The following HDAC9 variants were observed in gnomAD, a reference collection of about 807,000 sequenced individuals.
HDAC9 encodes the protein histone deacetylase 9, also known as MEF-2 interacting transcription repressor (MITR) protein.
In HDAC9, 41 loss-of-function variants were observed where a neutral mutation model predicts 139.4. The ratio of observed to expected loss-of-function variants is 0.29; its 90% CI spans 0.23 to 0.38. The LOEUF is 0.38. HDAC9 is among the 10% of genes least tolerant of loss of function. HDAC9 has a pLI of 1.00. For missense variants in HDAC9, 1,147 were observed against 1,297.0 expected, an observed-to-expected ratio of 0.88 and a Z score of 1.78; for synonymous variants, 517 against 476.2, an observed-to-expected ratio of 1.09 and a Z score of -1.12.
upstream of HDAC9, among the ~76,000 whole-genome samples, chr7:18,493,732 A>C (rs1323522152): frequency 6.6e-6 from 1 of 151,924 alleles, no homozygotes; most frequent in Non-Finnish European, 1.5e-5. Context: ...GATTTGTCAA[A>C]TATACCGCAA....
At chr7:18,418,320 A>G (rs1789284255) in intron 1 of HDAC9, among the ~76,000 whole-genome samples, 1 of 152,104 alleles carries the variant, frequency 6.6e-6, no homozygotes, top group African/African-American at 2.4e-5. Context: ...ACTCAAGAGA[A>G]TAAATCCTAG....
At chr7:18,598,350 A>G (rs1292457370) in intron 6 of HDAC9, among the ~76,000 whole-genome samples, 1 of 152,198 alleles carries the variant, frequency 6.6e-6, no homozygotes, top group Non-Finnish European at 1.5e-5. Flanking sequence ...TAAACTTGTC[A>G]AAGTTTATTT....
intron 1 of HDAC9, among the ~76,000 whole-genome samples, chr7:18,333,386 TG>T (rs2128650329): frequency 6.6e-6 from 1 of 151,638 alleles, no homozygotes; most frequent in East Asian, 1.9e-4. Flanking sequence ...TAGGGATTTT[TG>T]TTAAGTAGAT....
At chr7:18,572,302 G>T (rs1824554357) in intron 2 of HDAC9, among the ~76,000 whole-genome samples, 1 of 145,294 alleles carries the variant, frequency 6.9e-6, no homozygotes, top group Non-Finnish European at 1.5e-5. Flanking sequence ...TGACTATTTT[G>T]TCATATTCAT....
chr7:18,309,045 A>G (rs1799119521), intron 1 of HDAC9, among the ~76,000 whole-genome samples: 1 of 152,174 alleles, frequency 6.6e-6, no homozygotes, highest in Non-Finnish European at 1.5e-5. Context: ...GTGTTTGTGG[A>G]GATCTCTAAG....
intron 1 of HDAC9, among the ~76,000 whole-genome samples, chr7:18,437,028 T>C (rs1382081281): frequency 6.6e-6 from 1 of 152,224 alleles, no homozygotes; most frequent in African/African-American, 2.4e-5. Context: ...TTTTATATAC[T>C]AATTAAAACT....
At chr7:18,448,679 T>C (rs1792521049) in intron 1 of HDAC9, among the ~76,000 whole-genome samples, 1 of 152,090 alleles carries the variant, frequency 6.6e-6, no homozygotes, top group Non-Finnish European at 1.5e-5. Context: ...TGAAAACAAT[T>C]TGGAAGAGAC....
intron 3 of HDAC9, among the ~76,000 whole-genome samples, chr7:18,587,341 T>C (rs1043655613): frequency 6.6e-6 from 1 of 152,100 alleles, no homozygotes; most frequent in Non-Finnish European, 1.5e-5. Flanking sequence ...AAAAGGAAAA[T>C]TTAGCTTTTA....
chr7:18,839,414 CT>C (rs1318446263), intron 21 of HDAC9, among the ~76,000 whole-genome samples: 1 of 152,056 alleles, frequency 6.6e-6, no homozygotes, highest in African/African-American at 2.4e-5. Flanking sequence ...AGCACAGTGA[CT>C]TTTTACCAAA....
intron 16 of HDAC9, among the ~76,000 whole-genome samples, chr7:18,779,795 G>T (rs1013819032): frequency 6.6e-5 from 10 of 151,958 alleles, no homozygotes; most frequent in African/African-American, 9.7e-5. Flanking sequence ...AGGGTAAACA[G>T]ACTCCCTGAT....
At chr7:18,463,361 G>GGT (rs1407248686) in intron 1 of HDAC9, among the ~76,000 whole-genome samples, 1 of 151,990 alleles carries the variant, frequency 6.6e-6, no homozygotes, top group Non-Finnish European at 1.5e-5. Flanking sequence ...TGTGCCTGCA[G>GGT]GTGTGTGTGT....
chr7:18,294,417 G>A (rs185869166), intron 1 of HDAC9, among the ~76,000 whole-genome samples: 59 of 151,986 alleles, frequency 3.9e-4, no homozygotes, highest in Non-Finnish European at 1.5e-4. Context: ...TTTATATAGC[G>A]TATCCTATAG....
chr7:18,484,171 C>T (rs574080689), intron 1 of HDAC9, among the ~76,000 whole-genome samples: 84 of 132,192 alleles, frequency 6.4e-4, no homozygotes, highest in African/African-American at 2.4e-3. Context: ...GACCTTATCT[C>T]TCAAAAAAAA....
Position 18,393,136 on chromosome 7 carries a change from T to TA in HDAC9, c.-42+102621_-42+102622insA, listed in dbSNP as rs201164465. Among the ~76,000 whole-genome samples, 920 of 149,798 alleles carry TA rather than the reference T, an allele frequency of 6.1e-3. 9 individuals are homozygous for TA. The highest frequency in any genetic ancestry group is 0.021 in the African/African-American group (826 of 40,106). ...TTTAGATAAAATGGATTTTTTTTTT[T>TA]TAAAAAAACATAAATTGGCTCAAGA... On this transcript the variant is annotated intron_variant, in intron 1 of 3. Transcript: ENST00000413509.
At chr7:18,388,281 C>A (rs553832993) in intron 1 of HDAC9, among the ~76,000 whole-genome samples, 2 of 152,290 alleles carry the variant, frequency 1.3e-5, no homozygotes, top group Admixed American at 1.3e-4. Context: ...CTGAGAGGTT[C>A]TCCCTTGACA....
At chr7:18,145,341 A>G (rs1250299638) in intron 1 of HDAC9, among the ~76,000 whole-genome samples, 1 of 152,224 alleles carries the variant, frequency 6.6e-6, no homozygotes, top group Non-Finnish European at 1.5e-5. Flanking sequence ...TGATAAATAC[A>G]GGGTGATGTA....
intron 17 of HDAC9, among the ~76,000 whole-genome samples, chr7:18,808,730 A>G (rs151184504): frequency 6.6e-6 from 1 of 152,204 alleles, no homozygotes; most frequent in Non-Finnish European, 1.5e-5. Context: ...TAATCTATGG[A>G]TTCAATTCAA....
intron 1 of HDAC9, among the ~76,000 whole-genome samples, chr7:18,404,196 T>A (rs1303640000): frequency 6.6e-6 from 1 of 152,230 alleles, no homozygotes; most frequent in Admixed American, 6.5e-5. Context: ...AATGCAATGA[T>A]GTTATATTCA....
chr7:18,818,712 A>G (rs1794749281), intron 17 of HDAC9, among the ~76,000 whole-genome samples: 1 of 152,112 alleles, frequency 6.6e-6, no homozygotes, highest in African/African-American at 2.4e-5. Flanking sequence ...CTGGTACACG[A>G]TGTGTTCTTA....
Sources: gnomAD v4.1 joint callset for allele counts (sites outside exome capture counted in the v4.1 genomes callset) on GRCh38, gnomAD v4.1.1 for gene constraint, MANE v1.5 for transcripts, NCBI Gene and HGNC (gene_info 2026-07-23, HGNC 2026-07-21) for gene names.